The following LRFN5 variants were observed in gnomAD, a reference collection of about 807,000 sequenced individuals.
LRFN5 encodes the protein leucine-rich repeat and fibronectin type-III domain-containing protein 5.
In LRFN5, 24 loss-of-function variants were observed where a neutral mutation model predicts 45.6. The observed-to-expected ratio is 0.53, with a 90% CI of 0.38 to 0.74. The LOEUF (loss-of-function observed/expected upper bound fraction) is 0.74. LRFN5 is among the 30% of genes least tolerant of loss of function. The pLI is 0.00. For synonymous variants in LRFN5, 340 were observed against 313.8 expected (o/e 1.08, Z -0.88); for missense variants, 776 against 861.5 (o/e 0.90, Z 1.24).
chr14:41,714,599 T>A (rs895788893), intron 1 of LRFN5, among the ~76,000 whole-genome samples: 2 of 152,172 alleles, frequency 1.3e-5, no homozygotes, highest in Non-Finnish European at 1.5e-5. Context: ...ATTTTAGATT[T>A]TTTTAGTCAA....
chr14:41,795,427 G>A (rs1359597169), intron 2 of LRFN5, among the ~76,000 whole-genome samples: 1 of 152,052 alleles, frequency 6.6e-6, no homozygotes, highest in South Asian at 2.1e-4. Flanking sequence ...CCATTACTGG[G>A]TATATACCCA....
intron 1 of LRFN5, among the ~76,000 whole-genome samples, chr14:41,664,606 G>A (rs950266862): frequency 6.6e-6 from 1 of 151,700 alleles, no homozygotes; most frequent in Non-Finnish European, 1.5e-5. Flanking sequence ...AGGTTACAGT[G>A]AGCTATGATC....
chr14:41,661,925 G>A (rs189015440), intron 1 of LRFN5, among the ~76,000 whole-genome samples: 531 of 152,172 alleles, frequency 3.5e-3, no homozygotes, highest in Non-Finnish European at 5.7e-3. Flanking sequence ...CTGATTAAAA[G>A]CATTCATTAA....
chr14:41,796,898 A>C (rs949911167), intron 2 of LRFN5, among the ~76,000 whole-genome samples: 1 of 151,962 alleles, frequency 6.6e-6, no homozygotes. Flanking sequence ...GGTTTTAAAT[A>C]TTTTTGTAAT....
chr14:41,874,530 A>G (rs1340053169), intron 2 of LRFN5, among the ~76,000 whole-genome samples: 3 of 152,152 alleles, frequency 2.0e-5, no homozygotes, highest in African/African-American at 7.2e-5. Context: ...CACATTTTAT[A>G]TAGAATATTG....
chr14:41,852,544 G>A (rs1448161792), intron 2 of LRFN5, among the ~76,000 whole-genome samples: 1 of 151,808 alleles, frequency 6.6e-6, no homozygotes, highest in African/African-American at 2.4e-5. Flanking sequence ...ACTACATATT[G>A]ACATAAAGTT....
At chr14:41,751,420 C>CAT (rs1885127183) in intron 1 of LRFN5, among the ~76,000 whole-genome samples, 1 of 151,982 alleles carries the variant, frequency 6.6e-6, no homozygotes, top group Non-Finnish European at 1.5e-5. Context: ...AATCCTTCCA[C>CAT]ATATATATAT....
At chr14:41,775,379 A>G (rs1159986437) in intron 2 of LRFN5, among the ~76,000 whole-genome samples, 1 of 151,816 alleles carries the variant, frequency 6.6e-6, no homozygotes, top group East Asian at 1.9e-4. Context: ...AAGCCACCGC[A>G]CCCGGCAGTT....
chr14:41,740,232 A>G (rs2138817999), intron 1 of LRFN5, among the ~76,000 whole-genome samples: 1 of 152,166 alleles, frequency 6.6e-6, no homozygotes, highest in African/African-American at 2.4e-5. Context: ...CCATACAAGG[A>G]CACTACAAGA....
intron 2 of LRFN5, among the ~76,000 whole-genome samples, chr14:41,860,789 C>T (rs976912536): frequency 3.9e-5 from 6 of 152,156 alleles, no homozygotes; most frequent in Non-Finnish European, 5.9e-5. Context: ...GTGCCAGAGG[C>T]AGTTCTGCAG....
intron 1 of LRFN5, among the ~76,000 whole-genome samples, chr14:41,707,307 A>T (rs1195905539): frequency 1.3e-5 from 2 of 152,138 alleles, no homozygotes; most frequent in African/African-American, 4.8e-5. Context: ...TTTGGGTACT[A>T]CCTGCTACTG....
intron 2 of LRFN5, among the ~76,000 whole-genome samples, chr14:41,833,159 T>A (rs1888543157): frequency 6.6e-6 from 1 of 152,180 alleles, no homozygotes; most frequent in African/African-American, 2.4e-5. Flanking sequence ...TTTATCCTGA[T>A]AAGCTCAATC....
At chr14:41,693,533 A>C (rs1371572897) in intron 1 of LRFN5, among the ~76,000 whole-genome samples, 1 of 151,888 alleles carries the variant, frequency 6.6e-6, no homozygotes, top group East Asian at 1.9e-4. Context: ...TATATATTTT[A>C]TTAGTTTTTT....
chr14:41,830,128 T>C (rs1371623680), intron 2 of LRFN5, among the ~76,000 whole-genome samples: 1 of 151,654 alleles, frequency 6.6e-6, no homozygotes, highest in Non-Finnish European at 1.5e-5. Flanking sequence ...ATAAATCTTA[T>C]AAATTTTAAC....
chr14:41,630,411 T>C (rs1296178523), intron 1 of LRFN5, among the ~76,000 whole-genome samples: 4 of 152,154 alleles, frequency 2.6e-5, no homozygotes, highest in African/African-American at 9.6e-5. Context: ...GCTGATCCTA[T>C]TTAAGGGTTT....
intron 1 of LRFN5, among the ~76,000 whole-genome samples, chr14:41,630,929 T>C (rs1483533449): frequency 2.0e-5 from 3 of 152,152 alleles, no homozygotes; most frequent in African/African-American, 7.2e-5. Flanking sequence ...TCTTTTCTGA[T>C]TTACCGACTG....
At chr14:41,727,734 A>G (rs1883998199) in intron 1 of LRFN5, among the ~76,000 whole-genome samples, 1 of 152,194 alleles carries the variant, frequency 6.6e-6, no homozygotes, top group Non-Finnish European at 1.5e-5. Flanking sequence ...AAATAGAAAC[A>G]ATTTCAACAA....
intron 4 of LRFN5, among the ~76,000 whole-genome samples, chr14:41,897,089 A>AAAATAAATAAATAAAT (rs527665190): frequency 6.7e-6 from 1 of 148,478 alleles, no homozygotes; most frequent in Admixed American, 6.8e-5. Context: ...AGACTCTGTC[A>AAAATAAATAAATAAAT]AAATAAATAA....
At chr14:41,708,063 T>G (rs1440040739) in intron 1 of LRFN5, among the ~76,000 whole-genome samples, 1 of 152,064 alleles carries the variant, frequency 6.6e-6, no homozygotes, top group African/African-American at 2.4e-5. Flanking sequence ...AACCAATTTT[T>G]GATATTAAAA....
Sources: allele counts gnomAD v4.1 joint callset (sites outside exome capture counted in the v4.1 genomes callset), GRCh38; gene constraint gnomAD v4.1.1; transcripts MANE v1.5; gene names NCBI Gene and HGNC (gene_info 2026-07-23, HGNC 2026-07-21).